Variants in TTI1 observed in about 807,000 individuals in gnomAD.
TTI1 encodes TELO2 interacting protein 1, also known as TELO2-interacting protein 1 homolog.
TTI1 carries 52 observed loss-of-function variants against 85.4 expected under a neutral mutation model. The observed-to-expected ratio is 0.61, with a 90% CI of 0.49 to 0.77. The LOEUF (loss-of-function observed/expected upper bound fraction) is 0.77. TTI1 is among the 30% of genes least tolerant of loss of function. TTI1 has a pLI of 0.00. For synonymous variants in TTI1, 512 were observed against 503.9 expected (o/e 1.02, Z -0.22); for missense variants, 1,173 against 1,296.0 (o/e 0.91, Z 1.46).
At chr20:37,993,076 G>C (rs573365574) in intron 7 of TTI1, among the ~76,000 whole-genome samples, 8 of 150,198 alleles carry the variant, frequency 5.3e-5, no homozygotes, top group Non-Finnish European at 1.2e-4. Context: ...GTTATCCATT[G>C]AAGTTACTTA....
chr20:38,016,700 T>C (rs1485379869), intron 1 of TTI1, among the ~76,000 whole-genome samples: 1 of 152,258 alleles, frequency 6.6e-6, no homozygotes, highest in African/African-American at 2.4e-5. Context: ...GTGTTTCATA[T>C]TGGGTCAACT....
rs202089186 is a variant in TTI1 at position 38,011,510 on chromosome 20, T to C, written c.2302+5A>G. On this transcript the variant is annotated splice_donor_5th_base_variant and intron_variant, in intron 2 of 7. Coordinates refer to ENST00000373447, the MANE Select transcript of TTI1 (RefSeq NM_001303457.2). ...CATCAGCATTAAAAAGGGCTCTCAATGTACCTAATGCTGCCATCAGAGCAT... is the reference window on the plus strand; with the variant it reads ...CATCAGCATTAAAAAGGGCTCTCAACGTACCTAATGCTGCCATCAGAGCAT... 1.2e-3 allele frequency: 1,891 copies of C among 1,613,102 alleles called. 46 individuals carry two copies. In the South Asian group the frequency reaches 0.018, roughly 15 times the overall value.
In TTI1 at chr20:38,011,686, G is replaced by C; in HGVS notation, c.2131C>G (p.Leu711Val). 6.2e-7 allele frequency: 1 copy of C among 1,614,250 alleles called. No homozygotes were observed. Among genetic ancestry groups the C allele is most frequent in the Non-Finnish European group, 8.5e-7 (1 of 1,180,050 alleles). ...AGGACCTTTGGGGTATGAGGATGCA[G>C]AGCCAGATGACGCAGATTTAAAGAG... Reference protein sequence around the residue: ...GISLNLRHLALHPHTPKVLEV... With the variant: ...GISLNLRHLAVHPHTPKVLEV... Residue 711 changes from leucine to valine, a missense_variant, in exon 2 of 8, where the codon CTG becomes GTG. Transcript: ENST00000373447.
chr20:38,022,489 A>G (rs1444560465), intron 1 of TTI1, among the ~76,000 whole-genome samples: 1 of 152,240 alleles, frequency 6.6e-6, no homozygotes, highest in Non-Finnish European at 1.5e-5. Flanking sequence ...GTAGGTATTC[A>G]ATAAATGCTC....
At chr20:38,020,635 T>C (rs2073757460) in intron 1 of TTI1, among the ~76,000 whole-genome samples, 1 of 151,890 alleles carries the variant, frequency 6.6e-6, no homozygotes, top group Admixed American at 6.6e-5. Context: ...ATACAAAAGA[T>C]TTTTAAAAAA....
chr20:38,018,454 AAC>A (rs945940670), intron 1 of TTI1, among the ~76,000 whole-genome samples: 7 of 152,326 alleles, frequency 4.6e-5, no homozygotes, highest in Non-Finnish European at 7.4e-5. Flanking sequence ...ATGAATGGTA[AAC>A]ACAGATAAGA....
At chr20:38,001,586 C>G (rs1346428044) in intron 4 of TTI1, among the ~76,000 whole-genome samples, 1 of 152,192 alleles carries the variant, frequency 6.6e-6, no homozygotes. Context: ...CTTGGGAAGA[C>G]TAAACAAACT....
chr20:37,997,763 C>T (rs76329372), intron 5 of TTI1, among the ~76,000 whole-genome samples: 7 of 152,160 alleles, frequency 4.6e-5, no homozygotes, highest in African/African-American at 9.7e-5. Context: ...GTGTCATCAT[C>T]GTGTCTGCGC....
At chr20:38,023,987 A>C (rs188212403) in intron 1 of TTI1, among the ~76,000 whole-genome samples, 3 of 152,262 alleles carry the variant, frequency 2.0e-5, no homozygotes, top group African/African-American at 7.2e-5. Flanking sequence ...GGCTCACATA[A>C]TGCTTAGTTT....
intron 1 of TTI1, among the ~76,000 whole-genome samples, chr20:38,026,276 C>T (rs1490850981): frequency 3.3e-5 from 5 of 152,140 alleles, no homozygotes; most frequent in African/African-American, 1.2e-4. Context: ...TCTCCTGCCT[C>T]AGCCTCTCAA....
intron 1 of TTI1, among the ~76,000 whole-genome samples, chr20:38,024,544 G>C (rs2073812029): frequency 6.6e-6 from 1 of 152,084 alleles, no homozygotes; most frequent in Non-Finnish European, 1.5e-5. Context: ...AATGGGCACA[G>C]ACACAAAAAC....
chr20:38,033,184 C>G (rs754322311), intron 1 of TTI1, among the ~76,000 whole-genome samples: 3 of 152,106 alleles, frequency 2.0e-5, no homozygotes, highest in African/African-American at 7.2e-5. Context: ...GAAAAGGGCA[C>G]GTGGGTGGCT....
At chr20:38,003,135 A>T (rs1311557941) in intron 3 of TTI1, among the ~76,000 whole-genome samples, 23 of 152,050 alleles carry the variant, frequency 1.5e-4, no homozygotes, top group South Asian at 2.1e-4. Context: ...TAATTTTTAA[A>T]TTTTTTTGTA....
At chr20:37,994,069 AAAC>A (rs1391719240) in intron 7 of TTI1, among the ~76,000 whole-genome samples, 2 of 152,156 alleles carry the variant, frequency 1.3e-5, no homozygotes, top group Non-Finnish European at 2.9e-5. Context: ...AATTAAGAAC[AAAC>A]AACAGGATGG....
chr20:38,003,900 T>A (rs1201482631), intron 3 of TTI1, among the ~76,000 whole-genome samples: 1 of 152,154 alleles, frequency 6.6e-6, no homozygotes, highest in Non-Finnish European at 1.5e-5. Flanking sequence ...TGCACATCTG[T>A]CTTCTCCACC....
At chr20:38,023,899 T>C (rs1325327489) in intron 1 of TTI1, among the ~76,000 whole-genome samples, 1 of 152,158 alleles carries the variant, frequency 6.6e-6, no homozygotes, top group Non-Finnish European at 1.5e-5. Context: ...GTAAGGGAAG[T>C]GTACTGCAGA....
rs34940989 is a variant in TTI1 at position 38,011,728 on chromosome 20, A to G, written c.2089T>C (p.Tyr697His). 1.9e-4 allele frequency: 309 copies of G among 1,614,222 alleles called. 3 individuals are homozygous for G. The African/African-American group carries it at 3.7e-3, about 19-fold the overall frequency. ...LQHLINQNSD[Y>H]LVNGISLNLR... is the part of the protein sequence containing the mutation. ...TTTAAAGAGATCCCATTCACTAAAT[A>G]GTCTGAATTTTGATTGATCAGGTGC... The change falls in exon 2 of 8, where the codon TAT (tyrosine) becomes CAT (histidine). Residue 697 changes from tyrosine (Y) to histidine (H), a missense_variant. Tyr to His is a moderately conservative substitution (Grantham distance 83). Coordinates refer to ENST00000373447, the MANE Select transcript of TTI1 (RefSeq NM_001303457.2).
intron 5 of TTI1, among the ~76,000 whole-genome samples, chr20:37,998,806 G>A (rs985500590): frequency 6.6e-6 from 1 of 152,106 alleles, no homozygotes; most frequent in Admixed American, 6.5e-5. Context: ...GTGCAAATAT[G>A]GTGTGAACTC....
intron 4 of TTI1, among the ~76,000 whole-genome samples, chr20:38,002,170 C>T (rs931639062): frequency 2.0e-5 from 3 of 152,290 alleles, no homozygotes; most frequent in South Asian, 4.1e-4. Flanking sequence ...TACATGCTTT[C>T]AGCCCTTGCT....
Sources: gnomAD v4.1 joint callset for allele counts (sites outside exome capture counted in the v4.1 genomes callset) on GRCh38, gnomAD v4.1.1 for gene constraint, MANE v1.5 for transcripts, NCBI Gene and HGNC (gene_info 2026-07-23, HGNC 2026-07-21) for gene names.